Variants in APC observed in about 807,000 individuals in gnomAD.
APC encodes adenomatous polyposis coli protein.
A neutral mutation model predicts 247.0 loss-of-function variants in APC; 72 were observed. The observed-to-expected ratio is 0.29, with a 90% CI of 0.24 to 0.35. The LOEUF (loss-of-function observed/expected upper bound fraction) is 0.35, where lower values mean the gene tolerates loss of function less well. APC is among the 10% of genes least tolerant of loss of function. The pLI is 1.00. For missense variants in APC, 3,400 were observed against 3,360.7 expected (o/e 1.01, Z -0.29); for synonymous variants, 1,254 against 1,162.5 (o/e 1.08, Z -1.60).
chr5:112,792,674 A>T (rs1276748704), intron 7 of APC, 145 bp downstream of exon 7: 1 of 654,814 alleles, frequency 1.5e-6, no homozygotes, highest in African/African-American at 1.8e-5. Flanking sequence ...TCGTGAAATT[A>T]AATTATCAAA....
chr5:112,716,087 T>C (rs993363575), intron 1 of APC, among the ~76,000 whole-genome samples: 17 of 152,186 alleles, frequency 1.1e-4, no homozygotes, highest in African/African-American at 4.1e-4. Context: ...CTGTTGTATG[T>C]TTATTTTCTG....
At chr5:112,829,995 G>A (rs565424170) in intron 14 of APC, 11 of 152,186 alleles carry the variant, frequency 7.2e-5, no homozygotes, top group Non-Finnish European at 1.5e-4. Context: ...AGTTGTCTTA[G>A]CTAGTCTAGG....
At chr5:112,795,129 C>T (rs1269195432) in intron 7 of APC, among the ~76,000 whole-genome samples, 1 of 152,112 alleles carries the variant, frequency 6.6e-6, no homozygotes, top group Admixed American at 6.5e-5. Flanking sequence ...TGGGTTCAAG[C>T]GATTCTCCTG....
At chr5:112,815,435 A>G in intron 8 of APC, 60 bp from the exon 9 acceptor site, 1 of 1,203,150 alleles carries the variant, frequency 8.3e-7, no homozygotes, top group Non-Finnish European at 1.2e-6. Context: ...CCTTAACATG[A>G]TGTTATCTGT....
At chr5:112,825,593 T>G (rs77717539) in intron 11 of APC, among the ~76,000 whole-genome samples, 5 of 152,324 alleles carry the variant, frequency 3.3e-5, no homozygotes, top group East Asian at 3.9e-4. Flanking sequence ...GGCTCATGCC[T>G]GTAATCCCAG....
intron 1 of APC, among the ~76,000 whole-genome samples, chr5:112,723,822 C>T (rs1000671750): frequency 5.9e-5 from 9 of 152,122 alleles, no homozygotes; most frequent in Non-Finnish European, 1.3e-4. Context: ...TAAGAGTTTT[C>T]TTCCTTACCT....
chr5:112,734,471 C>A (rs925323786), upstream of APC, among the ~76,000 whole-genome samples: 1 of 152,038 alleles, frequency 6.6e-6, no homozygotes, highest in Non-Finnish European at 1.5e-5. Flanking sequence ...TGCCTTAGTA[C>A]CTGTAGAAGT....
At chr5:112,719,330 G>A (rs1463319608) in intron 1 of APC, among the ~76,000 whole-genome samples, 1 of 151,838 alleles carries the variant, frequency 6.6e-6, no homozygotes, top group African/African-American at 2.4e-5. Flanking sequence ...CAATTCTCCT[G>A]CCTCAGCCCT....
rs1064794106 is a variant in APC at position 112,840,665 on chromosome 5, C to T, written c.5071C>T (p.Pro1691Ser). The part of the protein sequence containing the change: ...SGEFEKRDTI[P>S]TEGRSTDEAQ... ...TGAATTTGAAAAACGAGATACCATT[C>T]CTACAGAAGGCAGAAGTACAGATGA... The change falls in exon 16 of 16, where the codon CCT becomes TCT. Residue 1691 changes from proline (P) to serine (S), a missense_variant. By Grantham distance (74) the Pro-to-Ser change is moderately conservative. This residue lies in a region of APC where 1,788 missense variants were observed against 1,649.5 expected (regional missense o/e 1.08). Transcript: ENST00000257430. This position sits in a 1 kb window ranked among gnomAD's most constrained non-coding sequence, Gnocchi z 4.1. 6.2e-7 allele frequency: 1 copy of T among 1,613,932 alleles called. No homozygotes were observed.
At chr5:112,726,838 CT>C (rs1193685223) in intron 1 of APC, among the ~76,000 whole-genome samples, 1 of 152,012 alleles carries the variant, frequency 6.6e-6, no homozygotes, top group Non-Finnish European at 1.5e-5. Context: ...TTTAAAAAGA[CT>C]TATAAAGTAA....
At position 112,707,601 on chromosome 5, in the gene APC, G is replaced by A. The variant is rs1001131435; in HGVS notation, c.-117G>A. Reference sequence around the variant, plus strand: ...GCCGCTGCTCGGGGGGGACCTGCGGGCTCAGGCCCGGGAGCTGCGGACCGA... The same window carrying A: ...GCCGCTGCTCGGGGGGGACCTGCGGACTCAGGCCCGGGAGCTGCGGACCGA... On this transcript the variant is annotated 5_prime_UTR_variant, in exon 1 of 14. Transcript: ENST00000507379. The A allele has an allele frequency of 3.5e-6, 4 of 1,129,458 alleles. No homozygotes were observed. Among genetic ancestry groups the A allele is most frequent in the Non-Finnish European group, 4.8e-6 (4 of 834,632 alleles). The allele number at this position is 1,129,458 out of a possible 1,614,324, so 70.0% of individuals were successfully genotyped here.
At chr5:112,739,674 G>T (rs1388649687) in intron 1 of APC, among the ~76,000 whole-genome samples, 1 of 152,146 alleles carries the variant, frequency 6.6e-6, no homozygotes, top group Non-Finnish European at 1.5e-5. Flanking sequence ...TTCAAGACCA[G>T]CCTGGGCAAC....
At chr5:112,797,543 A>G (rs1327835257) in intron 7 of APC, among the ~76,000 whole-genome samples, 2 of 152,124 alleles carry the variant, frequency 1.3e-5, no homozygotes, top group Non-Finnish European at 2.9e-5. Flanking sequence ...ATGATTCAAA[A>G]CTCAGAAGTT....
chr5:112,735,426 C>T (rs189288557), upstream of APC, among the ~76,000 whole-genome samples: 25 of 152,080 alleles, frequency 1.6e-4, 1 homozygote, highest in East Asian at 4.3e-3. Context: ...GAACTGGCCA[C>T]CTCGGCCTCC....
At chr5:112,727,043 T>C (rs969388955) in intron 1 of APC, among the ~76,000 whole-genome samples, 6 of 152,030 alleles carry the variant, frequency 3.9e-5, no homozygotes, top group African/African-American at 1.4e-4. Context: ...ACTATTAGGT[T>C]GGTGCAAAAA....
At chr5:112,800,278 G>A (rs1734245) in intron 7 of APC, among the ~76,000 whole-genome samples, 24,288 of 152,070 alleles carry the variant, frequency 0.16, 2,719 homozygotes, top group African/African-American at 0.32. Context: ...CTTTATGTAT[G>A]TATATCTATT....
chr5:112,724,732 C>T (rs1422851462), intron 1 of APC, among the ~76,000 whole-genome samples: 1 of 151,976 alleles, frequency 6.6e-6, no homozygotes, highest in African/African-American at 2.4e-5. Context: ...ATGTAAGAAC[C>T]TTCCAGTAAA....
At position 112,843,627 on chromosome 5, in the gene APC, A is replaced by G. The variant is rs886059800; in HGVS notation, c.8033A>G (p.Asn2678Ser). ...NPRSGRSPTG[N>S]TPPVIDSVSE... ...AGATCTGGAAGATCTCCCACAGGTA[A>G]TACTCCCCCGGTGATTGACAGTGTT... is the stretch of plus-strand genomic sequence containing the variant. The change falls in exon 16 of 16, where the codon AAT (asparagine) becomes AGT (serine). Residue 2678 changes from asparagine to serine, a missense_variant. By Grantham distance (46) the Asn-to-Ser change is conservative (BLOSUM62 1). Transcript: ENST00000257430. This position sits in a 1 kb window ranked among gnomAD's most constrained non-coding sequence, Gnocchi z 4.8. 3.1e-6 allele frequency: 5 copies of G among 1,613,908 alleles called. No homozygotes were observed. Among genetic ancestry groups the G allele is most frequent in the South Asian group, 1.1e-5 (1 of 91,080 alleles).
intron 7 of APC, among the ~76,000 whole-genome samples, chr5:112,795,447 A>T (rs1239623653): frequency 6.6e-6 from 1 of 152,190 alleles, no homozygotes; most frequent in Non-Finnish European, 1.5e-5. Flanking sequence ...CATGAGGATT[A>T]AACTCGATTT....
Sources: gnomAD v4.1 joint callset for allele counts (sites outside exome capture counted in the v4.1 genomes callset) on GRCh38, gnomAD v4.1.1 for gene constraint, gnomAD v4.1.1 regional missense constraint, Gnocchi (gnomAD v3.1) non-coding constraint, MANE v1.5 for transcripts, NCBI Gene and HGNC (gene_info 2026-07-23, HGNC 2026-07-21) for gene names.